PCDHGA1: variants seen among roughly 807,000 people sequenced by gnomAD.
PCDHGA1 encodes protocadherin gamma-A1.
Under a neutral mutation model 58.0 loss-of-function variants are expected in PCDHGA1, and 32 were observed. The observed-to-expected ratio is 0.55, with a 90% confidence interval of 0.42 to 0.74. The LOEUF is 0.74. PCDHGA1 is among the 30% of genes least tolerant of loss of function. PCDHGA1 has a pLI of 0.00. For synonymous variants in PCDHGA1, 498 were observed against 501.1 expected (o/e 0.99, Z 0.08); for missense variants, 1,205 against 1,182.3 (o/e 1.02, Z -0.28).
chr5:141,388,379 C>T (rs901735153), intron 1 of PCDHGA1: 1 of 1,613,998 alleles, frequency 6.2e-7, no homozygotes, highest in South Asian at 1.1e-5. Flanking sequence ...TTGGTAGCAA[C>T]ACACTGCAGA....
chr5:141,355,393 C>T lies in PCDHGA1; in HGVS notation c.2421+22288C>T, dbSNP rs375047889. 2.4e-5 allele frequency: 38 copies of T among 1,613,946 alleles called. No individual in the cohort carries two copies. The African/African-American group carries it at 4.7e-4, about 20-fold the overall frequency. On this transcript the variant is annotated intron_variant, in intron 1 of 3. Transcript: ENST00000517417. ...CCGGGAGCTGGCGGAGCGCGGAGTC[C>T]GCATCGTCTCCAGAGGTAGGACGCA...
At chr5:141,347,137 C>CTCTTTCTTTCTTTCTTTCTT (rs70988799) in intron 1 of PCDHGA1, among the ~76,000 whole-genome samples, 11,945 of 113,702 alleles carry the variant, frequency 0.11, 1,254 homozygotes, top group African/African-American at 0.17. Flanking sequence ...CTCTGTTTCT[C>CTCTTTCTTTCTTTCTTTCTT]TCTTTCTTTC....
At chr5:141,344,136 G>T (rs770958946) in intron 1 of PCDHGA1, 1 of 1,614,060 alleles carries the variant, frequency 6.2e-7, no homozygotes, top group Non-Finnish European at 8.5e-7. Flanking sequence ...CCGCTACTCG[G>T]TGTCTGAGGA....
chr5:141,330,986 C>T lies in PCDHGA1; in HGVS notation c.302C>T (p.Pro101Leu), dbSNP rs1564079880. 1 of 1,614,150 alleles carries T rather than the reference C, an allele frequency of 6.2e-7. No individual in the cohort carries two copies. The highest frequency in any genetic ancestry group is 1.3e-5 in the African/African-American group (1 of 75,034). Residue 101 changes from proline (P) to leucine (L), a missense_variant, in exon 1 of 4, where the codon CCG becomes CTG. Transcript: ENST00000517417. ...DREELCAQSM[P>L]CLVSFNILVE... ...GAGGAGCTCTGCGCTCAGAGCATGCCGTGTCTCGTGAGTTTTAATATCCTT... is the reference window on the plus strand; with the variant it reads ...GAGGAGCTCTGCGCTCAGAGCATGCTGTGTCTCGTGAGTTTTAATATCCTT...
chr5:141,403,995 C>T, intron 1 of PCDHGA1: 1 of 1,613,762 alleles, frequency 6.2e-7, no homozygotes, highest in Non-Finnish European at 8.5e-7. Context: ...CCTGAAGTGA[C>T]CATTACATCT....
chr5:141,501,288 T>TATACACATAC (rs201660636), intron 2 of PCDHGA1, among the ~76,000 whole-genome samples: 2 of 81,228 alleles, frequency 2.5e-5, no homozygotes, highest in African/African-American at 9.9e-5. Flanking sequence ...GATATTCCCT[T>TATACACATAC]ATACACACAC....
intron 1 of PCDHGA1, chr5:141,366,006 C>T (rs760966863): frequency 1.5e-5 from 25 of 1,614,122 alleles, no homozygotes; most frequent in African/African-American, 6.7e-5. Flanking sequence ...AACGACAATA[C>T]GCCTGAGATC....
At chr5:141,426,021 A>G (rs1590662256) in intron 1 of PCDHGA1, among the ~76,000 whole-genome samples, 2 of 152,312 alleles carry the variant, frequency 1.3e-5, no homozygotes, top group East Asian at 3.9e-4. Context: ...AGTTTTCTAA[A>G]TAGACTCAGA....
Position 141,348,075 on chromosome 5 carries a change from T to C in PCDHGA1, c.2421+14970T>C, listed in dbSNP as rs13357797. On this transcript the variant is annotated intron_variant, in intron 1 of 3. Coordinates refer to ENST00000517417, the MANE Select transcript of PCDHGA1 (RefSeq NM_018912.3). Reference sequence around the variant, plus strand: ...CTTCTTTTGTCATGTTCTACAACTTTCTTGAGCCAGAAATTGTTGGCTTAT... The same window carrying C: ...CTTCTTTTGTCATGTTCTACAACTTCCTTGAGCCAGAAATTGTTGGCTTAT... Among the ~76,000 whole-genome samples, 661 of 152,348 alleles carry C rather than the reference T, an allele frequency of 4.3e-3. 8 individuals carry two copies. Among genetic ancestry groups the C allele is most frequent in the African/African-American group, 0.015 (627 of 41,586 alleles).
At position 141,433,401 on chromosome 5, in the gene PCDHGA1, A is replaced by C. The variant is rs181247960; in HGVS notation, c.2422-61406A>C. ...TATCTATCTATCTATCTATCTATCT[A>C]TCTATTACTTTCTTGTACAGACAGG... On this transcript the variant is annotated intron_variant, in intron 1 of 3. Transcript: ENST00000517417. Among the ~76,000 whole-genome samples, 679 of 150,596 alleles carry C rather than the reference A, an allele frequency of 4.5e-3. 8 individuals carry two copies. The highest frequency in any genetic ancestry group is 0.015 in the African/African-American group (630 of 40,956).
chr5:141,399,894 C>G lies in PCDHGA1; in HGVS notation c.2421+66789C>G, dbSNP rs201911174. ...GCTACCTGGTGACCAAGGTAGTGGC[C>G]GTGGACGCAGACTCAGGACACAACG... On this transcript the variant is annotated intron_variant, in intron 1 of 3. Transcript: ENST00000517417. 9.2e-4 allele frequency: 1,477 copies of G among 1,612,556 alleles called. 21 individuals carry two copies. In the South Asian group the frequency reaches 0.015, roughly 17 times the overall value.
chr5:141,332,383 C>T lies in PCDHGA1; in HGVS notation c.1699C>T (p.Leu567Phe), dbSNP rs923826457. ...DNAPEILYPALPTDGSTGVEL... is the reference protein window; with the variant it reads ...DNAPEILYPAFPTDGSTGVEL... ...CGCGCCCGAGATCCTGTACCCCGCC[C>T]TCCCCACAGATGGTTCTACCGGCGT... The change falls in exon 1 of 4, where the codon CTC becomes TTC. Residue 567 changes from leucine (L) to phenylalanine (F), a missense_variant. Leu to Phe is a conservative substitution (Grantham distance 22). Transcript: ENST00000517417. This position sits in a 1 kb window ranked among gnomAD's most constrained non-coding sequence, Gnocchi z 4.6. 2 of 1,614,228 alleles carry T rather than the reference C, an allele frequency of 1.2e-6. No individual in the cohort carries two copies. Among genetic ancestry groups the T allele is most frequent in the South Asian group, 2.2e-5 (2 of 91,086 alleles).
At chr5:141,506,563 C>T (rs925780739) in intron 3 of PCDHGA1, among the ~76,000 whole-genome samples, 2 of 152,062 alleles carry the variant, frequency 1.3e-5, no homozygotes, top group Non-Finnish European at 2.9e-5. Context: ...TAAACCCCCT[C>T]GGTTTCACTT....
chr5:141,450,179 A>G (rs1472867634), intron 1 of PCDHGA1, among the ~76,000 whole-genome samples: 1 of 151,100 alleles, frequency 6.6e-6, no homozygotes, highest in African/African-American at 2.4e-5. Flanking sequence ...CACCACACCC[A>G]GCTAATTTTT....
intron 2 of PCDHGA1, among the ~76,000 whole-genome samples, chr5:141,497,050 G>A (rs113054804): frequency 6.6e-5 from 10 of 152,096 alleles, no homozygotes; most frequent in East Asian, 5.8e-4. Context: ...TTAGCCAGGC[G>A]TGGTGGCAGG....
chr5:141,486,722 G>C lies in PCDHGA1; in HGVS notation c.2422-8085G>C, dbSNP rs1235454839. The C allele has an allele frequency of 6.2e-7, 1 of 1,614,200 alleles. No homozygotes were observed. Among genetic ancestry groups the C allele is most frequent in the East Asian group, 2.2e-5 (1 of 44,874 alleles). ...CTCTCTGAACCCCCAGACAGGAGCT[G>C]TTCATGCTACTCGATCCTTTGACTA... On this transcript the variant is annotated intron_variant, in intron 1 of 3. Transcript: ENST00000517417. This position sits in a 1 kb window ranked among gnomAD's most constrained non-coding sequence, Gnocchi z 5.0.
At chr5:141,393,710 G>A (rs143738602) in intron 1 of PCDHGA1, 4 of 1,613,794 alleles carry the variant, frequency 2.5e-6, no homozygotes, top group Non-Finnish European at 3.4e-6. Flanking sequence ...AAAATACTGG[G>A]GAAATATCAA....
Position 141,487,246 on chromosome 5 carries a change from C to T in PCDHGA1, c.2422-7561C>T. 1 of 1,614,166 alleles carries T rather than the reference C, an allele frequency of 6.2e-7. No individual in the cohort carries two copies. The highest frequency in any genetic ancestry group is 8.5e-7 in the Non-Finnish European group (1 of 1,180,014). ...GGGAAGGAGAATCTCGTCTAACCCTCTACTTGGCTGTGTCCCTAGTGGCAA... is the reference window on the plus strand; with the variant it reads ...GGGAAGGAGAATCTCGTCTAACCCTTTACTTGGCTGTGTCCCTAGTGGCAA... On this transcript the variant is annotated intron_variant, in intron 1 of 3. Coordinates refer to ENST00000517417, the MANE Select transcript of PCDHGA1 (RefSeq NM_018912.3). This position sits in a 1 kb window ranked among gnomAD's most constrained non-coding sequence, Gnocchi z 5.0.
chr5:141,390,373 A>T, intron 1 of PCDHGA1: 1 of 1,481,208 alleles, frequency 6.8e-7, no homozygotes, highest in Non-Finnish European at 9.2e-7. Flanking sequence ...AAAATATATA[A>T]TTTTTAGATG....
Sources: allele counts gnomAD v4.1 joint callset (sites outside exome capture counted in the v4.1 genomes callset), GRCh38; gene constraint gnomAD v4.1.1; non-coding constraint Gnocchi (gnomAD v3.1); transcripts MANE v1.5; gene names NCBI Gene and HGNC (gene_info 2026-07-23, HGNC 2026-07-21).